The following PCDHGA7 variants were observed in gnomAD, a reference collection of about 807,000 sequenced individuals.
PCDHGA7 encodes protocadherin gamma subfamily A, 7.
In PCDHGA7, 44 loss-of-function variants were observed where a neutral mutation model predicts 58.3. That is an observed-to-expected ratio of 0.75 (90% CI 0.59 to 0.97). PCDHGA7 has a LOEUF of 0.97. Ranked by LOEUF, PCDHGA7 falls within the 50% of genes least tolerant of loss-of-function variation. The probability of loss-of-function intolerance (pLI) is 0.00; values close to 1 mark genes in which losing one functional copy is unlikely to be tolerated. For synonymous variants in PCDHGA7, 516 were observed against 504.2 expected (o/e 1.02, Z -0.31); for missense variants, 1,266 against 1,188.7 (o/e 1.06, Z -0.96).
At chr5:141,407,429 C>T (rs2094929018) in intron 1 of PCDHGA7, among the ~76,000 whole-genome samples, 1 of 151,532 alleles carries the variant, frequency 6.6e-6, no homozygotes, top group Admixed American at 6.6e-5. Flanking sequence ...ATGTCTCTTG[C>T]CCTTAAAACC....
In PCDHGA7 at chr5:141,494,027, G is replaced by A. The variant is rs77020157; in HGVS notation, c.2425-780G>A. 1.5e-4 allele frequency among the ~76,000 whole-genome samples: 23 copies of A among 152,298 alleles called. No homozygotes were observed. In the East Asian group the frequency reaches 3.3e-3, roughly 22 times the overall value. ...ACACATCAGCCCCTTGGGAGCCCTGGAGACTTAGTTGGCCCTGCTTGGAGG... is the reference window on the plus strand; with the variant it reads ...ACACATCAGCCCCTTGGGAGCCCTGAAGACTTAGTTGGCCCTGCTTGGAGG... On this transcript the variant is annotated intron_variant, in intron 1 of 3. Coordinates refer to ENST00000518325, the MANE Select transcript of PCDHGA7 (RefSeq NM_018920.4).
chr5:141,432,366 A>T lies in PCDHGA7; in HGVS notation c.2424+47043A>T. The T allele has an allele frequency of 6.2e-7, 1 of 1,614,204 alleles. No homozygotes were observed. Among genetic ancestry groups the T allele is most frequent in the Non-Finnish European group, 8.5e-7 (1 of 1,180,034 alleles). On this transcript the variant is annotated intron_variant, in intron 1 of 3. Coordinates refer to ENST00000518325, the MANE Select transcript of PCDHGA7 (RefSeq NM_018920.4). This position sits in a 1 kb window ranked among gnomAD's most constrained non-coding sequence, Gnocchi z 6.0. Reference sequence around the variant, plus strand: ...TTGCAAGTGAAAGTGATGGCGCGGGACAACGGGCACCCGCCCCTCAGCAGC... The same window carrying T: ...TTGCAAGTGAAAGTGATGGCGCGGGTCAACGGGCACCCGCCCCTCAGCAGC...
Position 141,490,618 on chromosome 5 carries a change from A to C in PCDHGA7, c.2425-4189A>C. The C allele has an allele frequency of 6.2e-7, 1 of 1,614,104 alleles. No homozygotes were observed. Among genetic ancestry groups the C allele is most frequent in the South Asian group, 1.1e-5 (1 of 91,080 alleles). ...ACCCCGCTTCAACCAGCAGCTTTAC[A>C]CTGCTTACATCCTAGAAAACCGGCC... On this transcript the variant is annotated intron_variant, in intron 1 of 3. Coordinates refer to ENST00000518325, the MANE Select transcript of PCDHGA7 (RefSeq NM_018920.4). This position sits in a 1 kb window ranked among gnomAD's most constrained non-coding sequence, Gnocchi z 5.4.
At chr5:141,427,444 G>T (rs1184893966) in intron 1 of PCDHGA7, 1 of 482,228 alleles carries the variant, frequency 2.1e-6, no homozygotes, top group South Asian at 1.5e-5. Flanking sequence ...ATAAACGAAA[G>T]AGTTCCTTTT....
intron 1 of PCDHGA7, chr5:141,392,356 G>A (rs970397239): frequency 6.6e-6 from 1 of 152,614 alleles, no homozygotes; most frequent in Admixed American, 6.5e-5. Flanking sequence ...TTAATCCGAT[G>A]CTACAATCTG....
At chr5:141,456,723 G>A (rs1005891499) in intron 1 of PCDHGA7, among the ~76,000 whole-genome samples, 3 of 152,196 alleles carry the variant, frequency 2.0e-5, no homozygotes, top group Admixed American at 6.5e-5. Flanking sequence ...CCAGCACTTT[G>A]GGAGGCTGAG....
In PCDHGA7 at chr5:141,472,879, G is replaced by A. The variant is rs541980402; in HGVS notation, c.2425-21928G>A. Among the ~76,000 whole-genome samples the A allele has an allele frequency of 3.3e-5, 5 of 151,694 alleles. No homozygotes were observed. The South Asian group carries it at 6.2e-4, about 19-fold the overall frequency. ...CACATGCCTGTATTCCCAGCTACTC[G>A]GGAGGCTGAGGCAGGAGAATTGCTT... On this transcript the variant is annotated intron_variant, in intron 1 of 3. Coordinates refer to ENST00000518325, the MANE Select transcript of PCDHGA7 (RefSeq NM_018920.4).
Position 141,398,972 on chromosome 5 carries a change from A to G in PCDHGA7, c.2424+13649A>G, listed in dbSNP as rs191593174. 31 of 1,613,974 alleles carry G rather than the reference A, an allele frequency of 1.9e-5. No homozygotes were observed. In the South Asian group the frequency reaches 2.5e-4, roughly 13 times the overall value. The stretch of plus-strand genomic sequence containing the variant: ...AACTCAGAAATTACTTATTCCTTCT[A>G]CAGAACCGGGCAAATCTTTAGTCTG... On this transcript the variant is annotated intron_variant, in intron 1 of 3. Transcript: ENST00000518325.
intron 1 of PCDHGA7, chr5:141,399,788 A>T: frequency 6.2e-7 from 1 of 1,613,174 alleles, no homozygotes; most frequent in South Asian, 1.1e-5. Context: ...CGAAACGACA[A>T]CGCACCGCGG....
intron 1 of PCDHGA7, chr5:141,423,648 G>A (rs1291261924): frequency 2.5e-6 from 4 of 1,590,008 alleles, no homozygotes; most frequent in Middle Eastern, 1.7e-4. Flanking sequence ...AATGTGACCC[G>A]ACAAGTAATC....
chr5:141,492,723 C>T (rs896613323), intron 1 of PCDHGA7, among the ~76,000 whole-genome samples: 2 of 152,268 alleles, frequency 1.3e-5, no homozygotes, highest in African/African-American at 4.8e-5. Flanking sequence ...GGCGGACAGG[C>T]AGAGCTGCCC....
In PCDHGA7 at chr5:141,489,705, C is replaced by G; in HGVS notation, c.2425-5102C>G. The G allele has an allele frequency of 6.2e-7, 1 of 1,614,022 alleles. No homozygotes were observed. The highest frequency in any genetic ancestry group is 1.1e-5 in the South Asian group (1 of 91,074). ...CATCTGGGGCACGATTCCCACTGGA[C>G]AGTGCCCAGGATCCGGATGTGGGCA... On this transcript the variant is annotated intron_variant, in intron 1 of 3. Coordinates refer to ENST00000518325, the MANE Select transcript of PCDHGA7 (RefSeq NM_018920.4). The surrounding 1 kb of genome is among the most constrained non-coding windows in gnomAD (Gnocchi z 4.5).
rs188953728 is a variant in PCDHGA7, at chr5:141,448,550, T to A, written c.2425-46257T>A. Among the ~76,000 whole-genome samples, 304 of 152,316 alleles carry A rather than the reference T, an allele frequency of 2.0e-3. 1 individual carries two copies. Among genetic ancestry groups the A allele is most frequent in the African/African-American group, 6.6e-3 (275 of 41,578 alleles). On this transcript the variant is annotated intron_variant, in intron 1 of 3. Transcript: ENST00000518325. ...CCTGTCAGCATTTCTTATGCAAATA[T>A]GTACATATATTTTTATTTCCCCATT...
Position 141,485,890 on chromosome 5 carries a change from C to G in PCDHGA7, c.2425-8917C>G. 4 of 1,614,156 alleles carry G rather than the reference C, an allele frequency of 2.5e-6. No individual in the cohort carries two copies. Among genetic ancestry groups the G allele is most frequent in the Non-Finnish European group, 2.5e-6 (3 of 1,180,022 alleles). The stretch of plus-strand genomic sequence containing the variant: ...CCGTGCTGGACGTAAACGACAACGC[C>G]CCAGCCTTCCAGCAATCCAGCTACA... On this transcript the variant is annotated intron_variant, in intron 1 of 3. Coordinates refer to ENST00000518325, the MANE Select transcript of PCDHGA7 (RefSeq NM_018920.4). The surrounding 1 kb of genome is among the most constrained non-coding windows in gnomAD (Gnocchi z 5.7).
chr5:141,460,537 C>T (rs2098991642), intron 1 of PCDHGA7, among the ~76,000 whole-genome samples: 1 of 152,062 alleles, frequency 6.6e-6, no homozygotes, highest in African/African-American at 2.4e-5. Context: ...ATAATCTTAG[C>T]ACCTTAATCA....
At chr5:141,419,652 CG>C (rs767047378) in intron 1 of PCDHGA7, 3 of 1,612,590 alleles carry the variant, frequency 1.9e-6, no homozygotes, top group Non-Finnish European at 1.7e-6. Context: ...GACGCGGACT[CG>C]GGGCACAATG....
intron 1 of PCDHGA7, chr5:141,478,843 C>G: frequency 7.2e-7 from 1 of 1,398,442 alleles, no homozygotes; most frequent in South Asian, 1.5e-5. Flanking sequence ...GATGGTTAAG[C>G]TAAAACACAA....
Position 141,485,684 on chromosome 5 carries a change from A to T in PCDHGA7, c.2425-9123A>T, listed in dbSNP as rs746176226. On this transcript the variant is annotated intron_variant, in intron 1 of 3. Transcript: ENST00000518325. The surrounding 1 kb of genome is among the most constrained non-coding windows in gnomAD (Gnocchi z 5.7). ...GGGGAGCAATTCGATTAGCAGCTAT[A>T]GGCTGAGCTCCAATGAACACTTTGC... 1 of 1,614,056 alleles carries T rather than the reference A, an allele frequency of 6.2e-7. No homozygotes were observed. The highest frequency in any genetic ancestry group is 1.1e-5 in the South Asian group (1 of 91,082).
In PCDHGA7 at chr5:141,427,684, C is replaced by T. The variant is rs765112627; in HGVS notation, c.2424+42361C>T. 3.6e-6 allele frequency: 3 copies of T among 841,720 alleles called. No individual in the cohort carries two copies. In the Admixed American group the frequency reaches 5.8e-5, roughly 16 times the overall value. 52.1% of individuals were successfully genotyped at this position (841,720 alleles called of 1,614,324 possible). A position where few individuals can be genotyped will look rare whatever the true frequency, so the allele number is the denominator to read the frequency against. On this transcript the variant is annotated intron_variant, in intron 1 of 3. Transcript: ENST00000518325. The stretch of plus-strand genomic sequence containing the variant: ...GTGGCCGAAAACAACCTTCCCGGAG[C>T]CTCCATCCCACAAGTCAGCGCCTCT...
Sources: allele counts gnomAD v4.1 joint callset (sites outside exome capture counted in the v4.1 genomes callset), GRCh38; gene constraint gnomAD v4.1.1; non-coding constraint Gnocchi (gnomAD v3.1); transcripts MANE v1.5; gene names NCBI Gene and HGNC (gene_info 2026-07-23, HGNC 2026-07-21).